The following AMBN variants were observed in gnomAD, a reference collection of about 807,000 sequenced individuals.
AMBN encodes enamel matrix protein.
AMBN carries 54 observed loss-of-function variants against 48.0 expected under a neutral mutation model. The observed-to-expected ratio is 1.12, with a 90% CI of 0.90 to 1.41. The LOEUF is 1.41. Ranked by LOEUF, AMBN falls within the 40% of genes most tolerant of loss-of-function variation. The pLI, the probability that AMBN is intolerant of heterozygous loss-of-function variation, is 0.00. For synonymous variants in AMBN, 186 were observed against 190.0 expected, an observed-to-expected ratio of 0.98 and a Z score of 0.17; for missense variants, 571 against 547.3, an observed-to-expected ratio of 1.04 and a Z score of -0.43.
At chr4:70,592,474 G>C in intron 1 of AMBN, 101 bp downstream of exon 1, 2 of 1,309,836 alleles carry the variant, frequency 1.5e-6, no homozygotes, top group Non-Finnish European at 2.2e-6. Context: ...TTTGTCACCA[G>C]TAGCTGAATT....
chr4:70,602,866 A>G (rs758687587), intron 8 of AMBN, 30 bp downstream of exon 8: 4 of 1,554,020 alleles, frequency 2.6e-6, no homozygotes, highest in East Asian at 2.3e-5. Flanking sequence ...AGACACTTCT[A>G]TTTTTTATTT....
chr4:70,605,223 G>A (rs913262192), intron 12 of AMBN, among the ~76,000 whole-genome samples: 3 of 152,106 alleles, frequency 2.0e-5, no homozygotes, highest in Admixed American at 2.0e-4. Flanking sequence ...CAGGAGAAAG[G>A]AGAAGGAAAG....
chr4:70,597,301 T>C (rs1321529458), intron 3 of AMBN, among the ~76,000 whole-genome samples: 1 of 152,168 alleles, frequency 6.6e-6, no homozygotes, highest in African/African-American at 2.4e-5. Context: ...ATTTAATGCC[T>C]TATATATAAT....
intron 3 of AMBN, among the ~76,000 whole-genome samples, chr4:70,597,620 T>G (rs577773346): frequency 1.1e-4 from 16 of 152,232 alleles, no homozygotes; most frequent in African/African-American, 3.9e-4. Context: ...CAGTTATATA[T>G]AGAAAGATAT....
At chr4:70,596,412 G>A (rs1314351317) in intron 2 of AMBN, among the ~76,000 whole-genome samples, 1 of 151,896 alleles carries the variant, frequency 6.6e-6, no homozygotes, top group African/African-American at 2.4e-5. Context: ...TTTATTTAAG[G>A]GAAAAAAACC....
intron 2 of AMBN, among the ~76,000 whole-genome samples, chr4:70,593,914 G>A (rs1356082098): frequency 6.7e-6 from 1 of 148,378 alleles, no homozygotes; most frequent in Non-Finnish European, 1.5e-5. Context: ...CTACTAAAAA[G>A]TTATTTAAAA....
Position 70,602,997 on chromosome 4 carries a change from C to T in AMBN, c.635C>T (p.Pro212Leu), listed in dbSNP as rs1476205407. The change falls in exon 9 of 13, where the codon CCA (proline) becomes CTA (leucine). Residue 212 changes from proline (P) to leucine (L), a missense_variant. Transcript: ENST00000322937. ...PSLPGLDFAD[P>L]QGSTIFQIAR... is the part of the protein sequence containing the mutation. Reference sequence around the variant, plus strand: ...CTCCCAGGATTGGATTTTGCTGATCCACAAGGTTCAACAGTAAGTACAGAT... The same window carrying T: ...CTCCCAGGATTGGATTTTGCTGATCTACAAGGTTCAACAGTAAGTACAGAT... 5.0e-6 allele frequency: 8 copies of T among 1,605,656 alleles called. No homozygotes were observed. The highest frequency in any genetic ancestry group is 6.8e-6 in the Non-Finnish European group (8 of 1,176,580).
chr4:70,604,467 T>C (rs1318266062), intron 12 of AMBN, among the ~76,000 whole-genome samples: 2 of 152,210 alleles, frequency 1.3e-5, no homozygotes, highest in Admixed American at 6.5e-5. Context: ...AATAAAGTCA[T>C]ACAACTTGAC....
In AMBN at chr4:70,593,409, T is replaced by A. The variant is rs771228127; in HGVS notation, c.84+14T>A. On this transcript the variant is annotated intron_variant, in intron 2 of 12. Coordinates refer to ENST00000322937, the MANE Select transcript of AMBN (RefSeq NM_016519.6). ...TTTGCAGTGCCGGTAAGTCAGTCTT[T>A]AGAGTGTGTCCCAGAAAAGGTTATT... 6.2e-7 allele frequency: 1 copy of A among 1,601,480 alleles called. No homozygotes were observed. The highest frequency in any genetic ancestry group is 1.1e-5 in the South Asian group (1 of 90,698).
At position 70,606,350 on chromosome 4, in the gene AMBN, G is replaced by T. The variant is rs1392703320; in HGVS notation, c.964G>T (p.Gly322Cys). The T allele has an allele frequency of 1.2e-6, 2 of 1,614,010 alleles. No homozygotes were observed. The highest frequency in any genetic ancestry group is 4.5e-5 in the East Asian group (2 of 44,814). ...ATKGPENEEG[G>C]AQGSPMPEAN... ...CAAAGGCCCTGAGAACGAAGAAGGA[G>T]GTGCACAAGGCTCCCCTATGCCGGA... Residue 322 changes from glycine to cysteine, a missense_variant, in exon 13 of 13, where the codon GGT becomes TGT. Physicochemically the swap from Gly to Cys is radical, Grantham distance 159 (BLOSUM62 -3). Coordinates refer to ENST00000322937, the MANE Select transcript of AMBN (RefSeq NM_016519.6).
chr4:70,603,164 C>A, intron 9 of AMBN, 96 bp from the exon 10 acceptor site: 1 of 1,363,746 alleles, frequency 7.3e-7, no homozygotes, highest in Non-Finnish European at 1.0e-6. Context: ...ATTTTCTATA[C>A]TAATCCATCT....
At chr4:70,598,090 T>C (rs1002921853) in intron 3 of AMBN, among the ~76,000 whole-genome samples, 1 of 152,250 alleles carries the variant, frequency 6.6e-6, no homozygotes, top group Non-Finnish European at 1.5e-5. Context: ...TATTTTCCCA[T>C]GTTTCAATGT....
intron 11 of AMBN, 77 bp from the exon 12 acceptor site, chr4:70,603,800 A>C: frequency 1.3e-6 from 2 of 1,515,280 alleles, no homozygotes; most frequent in Non-Finnish European, 1.8e-6. Context: ...GTGAAAACTA[A>C]ATAACTTTTA....
Position 70,603,441 on chromosome 4 carries a change from C to T in AMBN, c.734C>T (p.Pro245Leu), listed in dbSNP as rs753200127. ...CTTTATCCAGGAATGTTGTACGTGCCTTTTGGAGCAAATCAATTGGTAAGT... is the reference window on the plus strand; with the variant it reads ...CTTTATCCAGGAATGTTGTACGTGCTTTTTGGAGCAAATCAATTGGTAAGT... ...SPLYPGMLYV[P>L]FGANQLNAPA... Residue 245 changes from proline (P) to leucine (L), a missense_variant, in exon 11 of 13, where the codon CCT becomes CTT. Pro to Leu is a moderately conservative substitution (Grantham distance 98, BLOSUM62 -3). Transcript: ENST00000322937. 1 of 1,612,530 alleles carries T rather than the reference C, an allele frequency of 6.2e-7. No homozygotes were observed. Among genetic ancestry groups the T allele is most frequent in the East Asian group, 2.2e-5 (1 of 44,798 alleles).
At chr4:70,594,302 T>C (rs991846892) in intron 2 of AMBN, among the ~76,000 whole-genome samples, 4 of 152,188 alleles carry the variant, frequency 2.6e-5, no homozygotes, top group Non-Finnish European at 5.9e-5. Context: ...AATGATCTCA[T>C]ACAAACACAA....
chr4:70,594,073 A>G (rs1737337429), intron 2 of AMBN, among the ~76,000 whole-genome samples: 1 of 152,212 alleles, frequency 6.6e-6, no homozygotes. Context: ...TGAAAAAAAT[A>G]CATTTTCTTC....
At chr4:70,601,320 C>T in intron 5 of AMBN, 98 bp from the exon 6 acceptor site, 1 of 1,216,968 alleles carries the variant, frequency 8.2e-7, no homozygotes, top group Non-Finnish European at 1.2e-6. Flanking sequence ...GCCTCCCTTC[C>T]AGATAGAAAG....
chr4:70,602,977 A>C lies in AMBN; in HGVS notation c.615A>C (p.Pro205=). The change falls in exon 9 of 13, where the codon CCA becomes CCC. Residue 205 remains proline, a synonymous_variant. Transcript: ENST00000322937. The stretch of plus-strand genomic sequence containing the variant: ...AATATTTATCTGTAATATAGCTCCC[A>C]GGATTGGATTTTGCTGATCCACAAG... ...DFPDPQGPSL[P]GLDFADPQGS... 6 of 1,604,890 alleles carry C rather than the reference A, an allele frequency of 3.7e-6. No homozygotes were observed. The highest frequency in any genetic ancestry group is 5.1e-6 in the Non-Finnish European group (6 of 1,175,762).
At position 70,603,894 on chromosome 4, in the gene AMBN, T is replaced by C. The variant is rs777015829; in HGVS notation, c.771T>C (p.Leu257=). 12 of 1,614,036 alleles carry C rather than the reference T, an allele frequency of 7.4e-6. No individual in the cohort carries two copies. In the East Asian group the frequency reaches 2.7e-4, roughly 36 times the overall value. Residue 257 remains leucine (L), a synonymous_variant, in exon 12 of 13, where the codon CTT becomes CTC. Transcript: ENST00000322937. ...TTGAACAGAATGCCCCTGCCAGACT[T>C]GGCATCATGAGTTCAGAAGAAGTGG... ...GANQLNAPAR[L]GIMSSEEVAG...
Sources: allele counts gnomAD v4.1 joint callset (sites outside exome capture counted in the v4.1 genomes callset), GRCh38; gene constraint gnomAD v4.1.1; transcripts MANE v1.5; gene names NCBI Gene and HGNC (gene_info 2026-07-23, HGNC 2026-07-21).